PIWIL4: variants seen among roughly 807,000 people sequenced by gnomAD.
The protein encoded by PIWIL4 is piwi like RNA-mediated gene silencing 4.
In PIWIL4, 50 loss-of-function variants were observed where a neutral mutation model predicts 100.9. That is an observed-to-expected ratio of 0.50 (90% CI 0.39 to 0.63). PIWIL4 has a LOEUF of 0.63. Ranked by LOEUF, PIWIL4 falls within the 20% of genes least tolerant of loss-of-function variation. PIWIL4 has a pLI of 0.00. For missense variants in PIWIL4, 887 were observed against 1,043.3 expected (o/e 0.85, Z 2.06); for synonymous variants, 342 against 367.5 (o/e 0.93, Z 0.79).
intron 10 of PIWIL4, among the ~76,000 whole-genome samples, chr11:94,595,831 G>A (rs1328935571): frequency 6.6e-6 from 1 of 152,198 alleles, no homozygotes; most frequent in Non-Finnish European, 1.5e-5. Flanking sequence ...TCAGCAGACT[G>A]AACTTTAGGA....
chr11:94,578,101 T>A (rs1264441317), intron 4 of PIWIL4, among the ~76,000 whole-genome samples: 1 of 152,104 alleles, frequency 6.6e-6, no homozygotes, highest in East Asian at 1.9e-4. Context: ...TGCCATGACC[T>A]TTGCTCTTGA....
chr11:94,583,722 A>G (rs972880505), intron 5 of PIWIL4, among the ~76,000 whole-genome samples, 153 bp downstream of exon 5: 1 of 152,222 alleles, frequency 6.6e-6, no homozygotes, highest in Non-Finnish European at 1.5e-5. Context: ...TACATGAACA[A>G]TAATGTGCAA....
chr11:94,568,689 A>C (rs747430128), intron 1 of PIWIL4, 41 bp from the exon 2 acceptor site: 13 of 1,458,276 alleles, frequency 8.9e-6, no homozygotes, highest in Non-Finnish European at 1.2e-5. Context: ...TTTGTGACTT[A>C]CCATTGTAAA....
rs953286092 is a variant in PIWIL4, at chr11:94,607,384, A to C, written c.1639-55A>C. 1.3e-5 allele frequency: 20 copies of C among 1,502,166 alleles called. No homozygotes were observed. The African/African-American group carries it at 2.4e-4, about 18-fold the overall frequency. 93.1% of individuals were successfully genotyped at this position (1,502,166 alleles called of 1,614,324 possible). On this transcript the variant is annotated intron_variant, in intron 13 of 19. Coordinates refer to ENST00000299001, the MANE Select transcript of PIWIL4 (RefSeq NM_152431.3). ...CATGAATTCATTTCTTTAAAAAGCA[A>C]CTTCTTAGCAGAAGTAAATTAACTT... is the stretch of plus-strand genomic sequence containing the variant.
intron 13 of PIWIL4, among the ~76,000 whole-genome samples, chr11:94,604,594 A>G (rs1948691203): frequency 6.6e-6 from 1 of 152,228 alleles, no homozygotes; most frequent in African/African-American, 2.4e-5. Context: ...GTTTGGGGCC[A>G]AGGCATGATT....
intron 10 of PIWIL4, among the ~76,000 whole-genome samples, chr11:94,597,419 T>C (rs1474609957): frequency 6.6e-6 from 1 of 152,256 alleles, no homozygotes; most frequent in African/African-American, 2.4e-5. Flanking sequence ...TTTCTGTGCA[T>C]TATCATATTT....
chr11:94,589,757 T>G (rs1948457404), intron 8 of PIWIL4, among the ~76,000 whole-genome samples: 1 of 152,068 alleles, frequency 6.6e-6, no homozygotes, highest in Admixed American at 6.6e-5. Flanking sequence ...AGCCATCAAG[T>G]CTCAAGGGAG....
intron 4 of PIWIL4, among the ~76,000 whole-genome samples, chr11:94,579,453 CAG>C (rs750918842): frequency 1.3e-5 from 2 of 152,198 alleles, no homozygotes; most frequent in African/African-American, 2.4e-5. Context: ...AAAATTAAAA[CAG>C]AGCATTGGAT....
intron 2 of PIWIL4, 80 bp from the exon 3 acceptor site, chr11:94,574,919 A>C (rs1390413642): frequency 2.1e-6 from 3 of 1,397,866 alleles, no homozygotes; most frequent in Non-Finnish European, 3.0e-6. Context: ...TTGGATTGCA[A>C]TGCATTTTTG....
intron 1 of PIWIL4, among the ~76,000 whole-genome samples, chr11:94,568,302 C>T (rs1948104239): frequency 6.6e-6 from 1 of 152,058 alleles, no homozygotes; most frequent in Admixed American, 6.6e-5. Flanking sequence ...TTCCCTTGGC[C>T]TATTTTGTGA....
intron 14 of PIWIL4, 135 bp from the exon 15 acceptor site, chr11:94,608,448 C>T (rs1389025294): frequency 1.5e-6 from 1 of 667,616 alleles, no homozygotes; most frequent in African/African-American, 1.8e-5. Flanking sequence ...GCTCACGGAT[C>T]TCAATCTCCC....
intron 3 of PIWIL4, among the ~76,000 whole-genome samples, chr11:94,576,184 G>T (rs755948493): frequency 1.2e-4 from 18 of 152,280 alleles, no homozygotes; most frequent in Admixed American, 2.0e-4. Context: ...GCCCAGGCTG[G>T]AGTGTAATGG....
Position 94,601,976 on chromosome 11 carries a change from A to C in PIWIL4, c.1562A>C (p.Lys521Thr). 6 of 1,602,706 alleles carry C rather than the reference A, an allele frequency of 3.7e-6. No homozygotes were observed. The highest frequency in any genetic ancestry group is 5.1e-6 in the Non-Finnish European group (6 of 1,176,742). Residue 521 changes from lysine (K) to threonine (T), a missense_variant, in exon 12 of 20, where the codon AAA becomes ACA. Lys to Thr is a moderately conservative substitution (Grantham distance 78). This residue lies in a region of PIWIL4 where 741 missense variants were observed against 930.0 expected (regional missense o/e 0.80). Coordinates refer to ENST00000299001, the MANE Select transcript of PIWIL4 (RefSeq NM_152431.3). ...ATGGGATTTAATGTGGACTACCCCAAAATGTGAGAATACATTGAATTTTGT... is the reference window on the plus strand; with the variant it reads ...ATGGGATTTAATGTGGACTACCCCACAATGTGAGAATACATTGAATTTTGT... ...GSMGFNVDYP[K>T]IIKVQENPAA...
Position 94,567,614 on chromosome 11 carries a change from A to C in PIWIL4, c.87+9A>C, listed in dbSNP as rs1306291798. The C allele has an allele frequency of 3.8e-6, 6 of 1,592,040 alleles. No homozygotes were observed. Among genetic ancestry groups the C allele is most frequent in the East Asian group, 2.3e-5 (1 of 44,342 alleles). ...TCCAAGCCTCGCCATTGGTGTGTAG[A>C]ATGCTTATTGCGCATGGTTTCGTTT... On this transcript the variant is annotated intron_variant, in intron 1 of 19. Transcript: ENST00000299001.
At chr11:94,609,559 A>G (rs1379532102) in intron 15 of PIWIL4, among the ~76,000 whole-genome samples, 1 of 152,160 alleles carries the variant, frequency 6.6e-6, no homozygotes, top group Admixed American at 6.5e-5. Context: ...CTACAACTTC[A>G]TTCCAGGTTG....
intron 4 of PIWIL4, among the ~76,000 whole-genome samples, chr11:94,580,014 C>T (rs1329795041): frequency 1.3e-5 from 2 of 152,106 alleles, no homozygotes; most frequent in Admixed American, 6.5e-5. Context: ...GCTACAAATG[C>T]TAAGAATATG....
chr11:94,586,955 C>T lies in PIWIL4; in HGVS notation c.717-95C>T, dbSNP rs566023926. Reference sequence around the variant, plus strand: ...GAAAAAAATTATCTTGTTAAGATCTCGAGAATTAGAACAGAAAATCACCAT... The same window carrying T: ...GAAAAAAATTATCTTGTTAAGATCTTGAGAATTAGAACAGAAAATCACCAT... On this transcript the variant is annotated intron_variant, in intron 6 of 19. Transcript: ENST00000299001. 32 of 1,195,538 alleles carry T rather than the reference C, an allele frequency of 2.7e-5. No homozygotes were observed. In the South Asian group the frequency reaches 3.3e-4, roughly 12 times the overall value. 74.1% of individuals were successfully genotyped at this position (1,195,538 alleles called of 1,614,324 possible).
chr11:94,603,506 AAAGAT>A lies in PIWIL4; in HGVS notation c.1566-476_1566-472del, dbSNP rs775392346. The stretch of plus-strand genomic sequence containing the variant: ...CAGACAAGCAACCACTAAGGAAAAT[AAAGAT>A]ATTTTTGTCTAAATCATGCAAATTA... On this transcript the variant is annotated intron_variant, in intron 12 of 19. Transcript: ENST00000299001. Among the ~76,000 whole-genome samples, 4 of 152,220 alleles carry A rather than the reference AAAGAT, an allele frequency of 2.6e-5. No homozygotes were observed. In the South Asian group the frequency reaches 6.2e-4, roughly 24 times the overall value.
intron 16 of PIWIL4, among the ~76,000 whole-genome samples, chr11:94,617,297 T>C (rs1391019259): frequency 6.6e-6 from 1 of 152,238 alleles, no homozygotes; most frequent in Non-Finnish European, 1.5e-5. Context: ...AAAATAATTA[T>C]TGCATTCTAT....
Sources: gnomAD v4.1 joint callset for allele counts (sites outside exome capture counted in the v4.1 genomes callset) on GRCh38, gnomAD v4.1.1 for gene constraint, gnomAD v4.1.1 regional missense constraint, MANE v1.5 for transcripts, NCBI Gene and HGNC (gene_info 2026-07-23, HGNC 2026-07-21) for gene names.